EFHC2: variants seen among roughly 807,000 people sequenced by gnomAD.
EFHC2 encodes EF-hand domain containing 2.
A neutral mutation model predicts 52.7 loss-of-function variants in EFHC2; 18 were observed. The ratio of observed to expected loss-of-function variants is 0.34; its 90% CI spans 0.24 to 0.51. The LOEUF is 0.51. Among genes scored for constraint, EFHC2 ranks in the 20% least tolerant of loss-of-function variants. The pLI is 0.97. For missense variants in EFHC2, 513 were observed against 562.5 expected, an observed-to-expected ratio of 0.91 and a Z score of 0.89; for synonymous variants, 203 against 204.1, an observed-to-expected ratio of 0.99 and a Z score of 0.04.
intron 2 of EFHC2, among the ~76,000 whole-genome samples, chrX:44,302,971 G>A (rs773996501): frequency 9.0e-6 from 1 of 111,647 alleles, no homozygotes; most frequent in South Asian, 3.8e-4. Flanking sequence ...TCAAGAATCT[G>A]TATTTACGTA....
intron 10 of EFHC2, among the ~76,000 whole-genome samples, chrX:44,231,076 G>A (rs191439450): frequency 2.7e-5 from 3 of 112,026 alleles, no homozygotes; most frequent in East Asian, 2.8e-4. Flanking sequence ...CAGTGTTTTC[G>A]AATAGCTACT....
intron 4 of EFHC2, among the ~76,000 whole-genome samples, chrX:44,253,353 C>T (rs922314220): frequency 2.7e-5 from 3 of 110,806 alleles, no homozygotes; most frequent in Non-Finnish European, 5.7e-5. Flanking sequence ...TGGATCCCCC[C>T]AGCAAGCTAA....
intron 2 of EFHC2, among the ~76,000 whole-genome samples, chrX:44,298,869 A>C (rs1256378823): frequency 2.8e-5 from 3 of 106,454 alleles, no homozygotes; most frequent in Non-Finnish European, 3.9e-5. Flanking sequence ...TCAAAAAAAA[A>C]AAAAAAAAAA....
At chrX:44,311,650 A>G (rs558225094) in intron 2 of EFHC2, among the ~76,000 whole-genome samples, 1 of 111,870 alleles carries the variant, frequency 8.9e-6, no homozygotes, top group African/African-American at 3.2e-5. Context: ...CTAACTGCCA[A>G]TATGTCCATA....
chrX:44,282,647 TGGG>T (rs1569300381), intron 2 of EFHC2, among the ~76,000 whole-genome samples: 1 of 2,217 alleles, frequency 4.5e-4, no homozygotes. Context: ...TGGGGGGGGG[TGGG>T]GGGGTGGGAG....
Position 44,184,406 on chromosome X carries a change from CT to C in EFHC2, c.1752-5843del, listed in dbSNP as rs200899140. On this transcript the variant is annotated intron_variant, in intron 11 of 14. Coordinates refer to ENST00000420999, the MANE Select transcript of EFHC2 (RefSeq NM_025184.4). ...TTAGATGTCAGCTTCTCTGTGAGGC[CT>C]TCTCTGGCCAACCTTCTTAAAAGTG... 6.3e-3 allele frequency among the ~76,000 whole-genome samples: 702 copies of C among 111,763 alleles called. 15 individuals are homozygous for C. Among genetic ancestry groups the C allele is most frequent in the Admixed American group, 0.061 (638 of 10,519 alleles).
chrX:44,298,860 CAAAAAAA>C (rs34701706), intron 2 of EFHC2, among the ~76,000 whole-genome samples: 3 of 22,713 alleles, frequency 1.3e-4, no homozygotes, highest in Non-Finnish European at 2.8e-4. Flanking sequence ...GACTCTGTCT[CAAAAAAA>C]AAAAAAAAAA....
intron 2 of EFHC2, among the ~76,000 whole-genome samples, chrX:44,291,411 A>G (rs185787369): frequency 8.9e-6 from 1 of 112,229 alleles, no homozygotes; most frequent in Admixed American, 9.5e-5. Flanking sequence ...CTTCCAAAGA[A>G]TTTTTTTGTA....
At chrX:44,343,523 A>C in intron 1 of EFHC2, 24 bp downstream of exon 1, 1 of 1,186,111 alleles carries the variant, frequency 8.4e-7, no homozygotes, top group Non-Finnish European at 1.1e-6. Context: ...GGGAGCTGTG[A>C]CCTCGGACGC....
At chrX:44,231,440 G>A in intron 10 of EFHC2, among the ~76,000 whole-genome samples, 1 of 111,045 alleles carries the variant, frequency 9.0e-6, no homozygotes, top group African/African-American at 3.3e-5. Context: ...GTCAGCTGAG[G>A]CTCTCCCTAC....
chrX:44,190,103 A>G (rs755905460), intron 11 of EFHC2, among the ~76,000 whole-genome samples: 136 of 111,000 alleles, frequency 1.2e-3, no homozygotes, highest in Non-Finnish European at 1.3e-3. Flanking sequence ...TTCCTTTTGG[A>G]CCTTATTGGT....
intron 2 of EFHC2, among the ~76,000 whole-genome samples, chrX:44,299,273 A>T (rs1287621936): frequency 9.0e-6 from 1 of 111,629 alleles, no homozygotes; most frequent in Admixed American, 9.5e-5. Flanking sequence ...GGAACCAGAC[A>T]TTCCTTATTA....
At chrX:44,320,498 A>C (rs1178857670) in intron 1 of EFHC2, among the ~76,000 whole-genome samples, 1 of 111,598 alleles carries the variant, frequency 9.0e-6, no homozygotes, top group Non-Finnish European at 1.9e-5. Context: ...AACTAAGCAA[A>C]CAAAAGTGAC....
intron 12 of EFHC2, 140 bp from the exon 13 acceptor site, chrX:44,176,524 A>G: frequency 8.9e-6 from 4 of 451,031 alleles, no homozygotes; most frequent in Non-Finnish European, 1.4e-5. Flanking sequence ...ATTGGAATTC[A>G]CAATAAGGAA....
chrX:44,275,479 C>T (rs2037649233), intron 2 of EFHC2, among the ~76,000 whole-genome samples: 1 of 110,769 alleles, frequency 9.0e-6, no homozygotes, highest in Admixed American at 9.6e-5. Context: ...AATAAATGAT[C>T]TAATTGCAAT....
At chrX:44,248,551 C>T (rs1202063917) in intron 6 of EFHC2, 141 bp from the exon 7 acceptor site, 7 of 745,984 alleles carry the variant, frequency 9.4e-6, no homozygotes, top group Non-Finnish European at 1.3e-5. Flanking sequence ...AAAAAAGCAA[C>T]CAGTTGATGT....
At chrX:44,229,919 C>T (rs1021978199) in intron 10 of EFHC2, 140 bp from the exon 11 acceptor site, 4 of 582,144 alleles carry the variant, frequency 6.9e-6, no homozygotes, top group South Asian at 3.3e-5. Flanking sequence ...AAACCAACAC[C>T]GAGAAGGCAT....
chrX:44,321,936 T>C (rs1237820729), intron 1 of EFHC2, among the ~76,000 whole-genome samples: 1 of 111,689 alleles, frequency 9.0e-6, no homozygotes, highest in African/African-American at 3.3e-5. Context: ...ATCATCTAAA[T>C]GTCATCTCTT....
chrX:44,292,873 T>C (rs777811295), intron 2 of EFHC2, among the ~76,000 whole-genome samples: 2 of 110,950 alleles, frequency 1.8e-5, no homozygotes, highest in South Asian at 7.7e-4. Flanking sequence ...GAGGCCTCCT[T>C]AGAAGCAGAT....
Sources: gnomAD v4.1 joint callset for allele counts (sites outside exome capture counted in the v4.1 genomes callset) on GRCh38, gnomAD v4.1.1 for gene constraint, MANE v1.5 for transcripts, NCBI Gene and HGNC (gene_info 2026-07-23, HGNC 2026-07-21) for gene names.